SENP7: variants seen among roughly 807,000 people sequenced by gnomAD.
The protein encoded by SENP7 is SUMO specific peptidase 7, also known as sentrin-specific protease 7.
Under a neutral mutation model 141.2 loss-of-function variants are expected in SENP7, and 64 were observed. That is an observed-to-expected ratio of 0.45 (90% confidence interval 0.37 to 0.56). The LOEUF is 0.56. Ranked by LOEUF, SENP7 falls within the 20% of genes least tolerant of loss-of-function variation. The probability of loss-of-function intolerance (pLI) is 0.00; values close to 1 mark genes in which losing one functional copy is unlikely to be tolerated. For missense variants in SENP7, 1,025 were observed against 1,212.2 expected, an observed-to-expected ratio of 0.85 and a Z score of 2.29; for synonymous variants, 382 against 426.4, an observed-to-expected ratio of 0.90 and a Z score of 1.28.
At chr3:101,389,281 G>C (rs957205567) in intron 6 of SENP7, among the ~76,000 whole-genome samples, 1 of 152,098 alleles carries the variant, frequency 6.6e-6, no homozygotes, top group Non-Finnish European at 1.5e-5. Context: ...AAGAGATTTA[G>C]ACATACAGAC....
chr3:101,369,263 AGC>A (rs2060118662), intron 7 of SENP7, among the ~76,000 whole-genome samples: 1 of 152,236 alleles, frequency 6.6e-6, no homozygotes, highest in Admixed American at 6.5e-5. Context: ...CAAGTCACAA[AGC>A]AGTTGCCTTT....
intron 4 of SENP7, among the ~76,000 whole-genome samples, chr3:101,448,208 C>A (rs1055394510): frequency 1.3e-5 from 2 of 152,014 alleles, no homozygotes. Flanking sequence ...AGATATGACA[C>A]CAAAAGCACA....
At chr3:101,451,263 T>C (rs9682848) in intron 4 of SENP7, among the ~76,000 whole-genome samples, 2 of 152,188 alleles carry the variant, frequency 1.3e-5, no homozygotes, top group African/African-American at 4.8e-5. Context: ...CCAGATGGAT[T>C]CACAGCCGAA....
Position 101,361,935 on chromosome 3 carries a change from C to T in SENP7, c.1477-74G>A, listed in dbSNP as rs904723710. On this transcript the variant is annotated intron_variant, in intron 10 of 23. Transcript: ENST00000394095. ...AAATGCTGAAAATGACTTTCACCAT[C>T]AAATTCTTCTTTAAATTACTATTAG... The T allele has an allele frequency of 2.8e-6, 4 of 1,433,306 alleles. No homozygotes were observed. In the East Asian group the frequency reaches 7.8e-5, roughly 28 times the overall value. 88.8% of individuals were successfully genotyped at this position (1,433,306 alleles called of 1,614,324 possible). A position where few individuals can be genotyped will look rare whatever the true frequency, so the allele number is the denominator to read the frequency against.
At chr3:101,427,490 C>CAAA (rs55677738) in intron 4 of SENP7, among the ~76,000 whole-genome samples, 33,535 of 100,306 alleles carry the variant, frequency 0.33, 4,914 homozygotes, top group Non-Finnish European at 0.35. Flanking sequence ...ACACTGTCTC[C>CAAA]AAAAAAAAAA....
intron 4 of SENP7, among the ~76,000 whole-genome samples, chr3:101,450,733 T>G (rs2063099167): frequency 6.6e-6 from 1 of 152,198 alleles, no homozygotes; most frequent in Non-Finnish European, 1.5e-5. Flanking sequence ...GGGAAATTTA[T>G]AGCACTAAAT....
intron 1 of SENP7, among the ~76,000 whole-genome samples, chr3:101,504,649 C>T (rs2065522177): frequency 6.6e-6 from 1 of 152,140 alleles, no homozygotes; most frequent in Admixed American, 6.5e-5. Context: ...TACATATACA[C>T]AATGGAATAC....
chr3:101,483,852 C>T (rs541155488), intron 3 of SENP7, among the ~76,000 whole-genome samples: 82 of 152,050 alleles, frequency 5.4e-4, no homozygotes, highest in Admixed American at 1.6e-3. Flanking sequence ...TGAAACCTCA[C>T]CTCTACTAAA....
chr3:101,410,274 A>C (rs1340101895), intron 5 of SENP7, among the ~76,000 whole-genome samples: 1 of 152,126 alleles, frequency 6.6e-6, no homozygotes, highest in Non-Finnish European at 1.5e-5. Flanking sequence ...TAATCAAAAA[A>C]TAGTAGATGT....
intron 4 of SENP7, 61 bp downstream of exon 4, chr3:101,458,894 A>AT: frequency 1.0e-6 from 1 of 998,066 alleles, no homozygotes; most frequent in South Asian, 1.5e-5. Context: ...GCTTAAATGA[A>AT]TCATTTATGG....
At chr3:101,485,692 C>A (rs9864932) in intron 3 of SENP7, among the ~76,000 whole-genome samples, 60,300 of 151,818 alleles carry the variant, frequency 0.4, 12,490 homozygotes, top group Admixed American at 0.54. Flanking sequence ...ATATGACAAA[C>A]CAAGGCTCTT....
intron 3 of SENP7, among the ~76,000 whole-genome samples, chr3:101,477,943 GA>G (rs1358214266): frequency 2.0e-5 from 3 of 150,988 alleles, no homozygotes; most frequent in Non-Finnish European, 3.0e-5. Context: ...AAGAATCAAT[GA>G]AAAAAAGCGT....
chr3:101,487,368 T>A (rs1203691285), intron 3 of SENP7, among the ~76,000 whole-genome samples: 1 of 152,236 alleles, frequency 6.6e-6, no homozygotes, highest in Non-Finnish European at 1.5e-5. Context: ...AATCTGGATA[T>A]TAGACCTTTG....
intron 5 of SENP7, among the ~76,000 whole-genome samples, chr3:101,408,618 A>G (rs1559782012): frequency 6.6e-6 from 1 of 152,222 alleles, no homozygotes; most frequent in Non-Finnish European, 1.5e-5. Context: ...GAATGCAAGG[A>G]TGGTTTAACA....
intron 5 of SENP7, 34 bp from the exon 6 acceptor site, chr3:101,399,089 T>C (rs1559769519): frequency 7.4e-7 from 1 of 1,349,740 alleles, no homozygotes; most frequent in Non-Finnish European, 9.8e-7. Context: ...TGTACTGTAC[T>C]GAAGTTTTCA....
intron 17 of SENP7, 167 bp downstream of exon 17, chr3:101,337,342 A>C: frequency 2.4e-6 from 1 of 414,706 alleles, no homozygotes; most frequent in Non-Finnish European, 4.4e-6. Context: ...ATGGGCAGCA[A>C]AACAGTGGAA....
chr3:101,438,234 A>G (rs2062465383), intron 4 of SENP7, among the ~76,000 whole-genome samples: 1 of 152,246 alleles, frequency 6.6e-6, no homozygotes, highest in Admixed American at 6.5e-5. Flanking sequence ...TGTAAATACA[A>G]TGGAAAATTA....
At chr3:101,502,629 A>AG (rs969620415) in intron 1 of SENP7, among the ~76,000 whole-genome samples, 1 of 152,042 alleles carries the variant, frequency 6.6e-6, no homozygotes, top group African/African-American at 2.4e-5. Flanking sequence ...AGAAAAAAAA[A>AG]AAAGGTCAGG....
intron 3 of SENP7, among the ~76,000 whole-genome samples, chr3:101,467,076 C>T (rs2063785090): frequency 1.3e-5 from 2 of 152,220 alleles, no homozygotes; most frequent in South Asian, 4.1e-4. Context: ...AAGCCTTGCT[C>T]ACTGCTAGCA....
Sources: gnomAD v4.1 joint callset for allele counts (sites outside exome capture counted in the v4.1 genomes callset) on GRCh38, gnomAD v4.1.1 for gene constraint, MANE v1.5 for transcripts, NCBI Gene and HGNC (gene_info 2026-07-23, HGNC 2026-07-21) for gene names.